Variants in SCFD2 observed in about 807,000 individuals in gnomAD.
SCFD2 encodes the protein sec1 family domain-containing protein 2.
A neutral mutation model predicts 58.9 loss-of-function variants in SCFD2; 54 were observed. The ratio of observed to expected loss-of-function variants is 0.92; its 90% CI spans 0.74 to 1.15. The LOEUF (loss-of-function observed/expected upper bound fraction) is 1.15, where lower values mean the gene tolerates loss of function less well. Ranked by LOEUF, SCFD2 falls within the 50% of genes most tolerant of loss-of-function variation. The pLI, the probability that SCFD2 is intolerant of heterozygous loss-of-function variation, is 0.00. For synonymous variants in SCFD2, 321 were observed against 335.9 expected (o/e 0.96, Z 0.49); for missense variants, 805 against 836.6 (o/e 0.96, Z 0.47).
chr4:53,127,317 C>T (rs1725656358), intron 5 of SCFD2, among the ~76,000 whole-genome samples: 1 of 152,182 alleles, frequency 6.6e-6, no homozygotes, highest in Non-Finnish European at 1.5e-5. Flanking sequence ...TGCCCTGTTG[C>T]ACAGCATCAG....
chr4:53,314,090 T>C (rs1732785208), intron 2 of SCFD2, among the ~76,000 whole-genome samples: 1 of 152,158 alleles, frequency 6.6e-6, no homozygotes, highest in African/African-American at 2.4e-5. Flanking sequence ...ATCACTAGAG[T>C]AATATAAATG....
At position 53,236,648 on chromosome 4, in the gene SCFD2, G is replaced by GT. The variant is rs949851261; in HGVS notation, c.1311+37177dup. Among the ~76,000 whole-genome samples the GT allele has an allele frequency of 6.6e-4, 98 of 148,282 alleles. No individual in the cohort carries two copies. In the East Asian group the frequency reaches 7.7e-3, roughly 12 times the overall value. On this transcript the variant is annotated intron_variant, in intron 4 of 8. Transcript: ENST00000401642. ...CAGTTATGAATAAAATGTCTGGCATGTTTTTTTTTAATCAAAATGAGTTCT... is the reference window on the plus strand; with the variant it reads ...CAGTTATGAATAAAATGTCTGGCATGTTTTTTTTTTAATCAAAATGAGTTCT...
chr4:52,992,560 G>T (rs547069423), intron 5 of SCFD2, among the ~76,000 whole-genome samples: 2 of 151,624 alleles, frequency 1.3e-5, no homozygotes, highest in African/African-American at 4.8e-5. Context: ...CTTCCCGGCC[G>T]CCATCCCCTC....
Position 52,913,653 on chromosome 4 carries a change from C to T in SCFD2, c.1708-6062G>A, listed in dbSNP as rs1336972292. On this transcript the variant is annotated intron_variant, in intron 6 of 8. Coordinates refer to ENST00000401642, the MANE Select transcript of SCFD2 (RefSeq NM_152540.4). ...CTTGAATCATCCTGAAACCACACCG[C>T]CCCACCCTGCACCGCCTGGTGCCTT... Among the ~76,000 whole-genome samples, 3 of 152,206 alleles carry T rather than the reference C, an allele frequency of 2.0e-5. No individual in the cohort carries two copies. The East Asian group carries it at 5.8e-4, about 29-fold the overall frequency.
intron 4 of SCFD2, among the ~76,000 whole-genome samples, chr4:53,201,655 T>G (rs951599400): frequency 1.3e-5 from 2 of 152,160 alleles, no homozygotes; most frequent in African/African-American, 4.8e-5. Context: ...TGTAAAAGTG[T>G]TCCTATTTCT....
intron 4 of SCFD2, among the ~76,000 whole-genome samples, chr4:53,182,174 A>G (rs1013785981): frequency 7.2e-5 from 11 of 152,174 alleles, no homozygotes; most frequent in African/African-American, 2.7e-4. Context: ...TATGGAACCA[A>G]AAAAGAGCCC....
chr4:52,895,553 G>T (rs900608440), intron 7 of SCFD2, among the ~76,000 whole-genome samples: 26 of 152,042 alleles, frequency 1.7e-4, no homozygotes, highest in Non-Finnish European at 3.1e-4. Context: ...TGCCACATTT[G>T]CTTAATCCAG....
At chr4:53,282,580 T>C (rs1465483673) in intron 3 of SCFD2, among the ~76,000 whole-genome samples, 2 of 152,110 alleles carry the variant, frequency 1.3e-5, no homozygotes, top group African/African-American at 2.4e-5. Context: ...ATCAGTGTGG[T>C]ATAATTTCAA....
intron 2 of SCFD2, among the ~76,000 whole-genome samples, chr4:53,330,244 A>G (rs1285003387): frequency 4.6e-5 from 7 of 152,082 alleles, no homozygotes; most frequent in Non-Finnish European, 7.3e-5. Context: ...AATACAGAGA[A>G]CGCCACAAAG....
At chr4:53,334,175 T>C (rs1733597897) in intron 2 of SCFD2, among the ~76,000 whole-genome samples, 1 of 150,748 alleles carries the variant, frequency 6.6e-6, no homozygotes, top group African/African-American at 2.4e-5. Flanking sequence ...AGTTCAACCA[T>C]TGTGGAAGTC....
At chr4:53,271,290 A>G (rs1325129164) in intron 4 of SCFD2, among the ~76,000 whole-genome samples, 1 of 151,148 alleles carries the variant, frequency 6.6e-6, no homozygotes, top group African/African-American at 2.4e-5. Context: ...TCTCACATAC[A>G]TACACACATA....
intron 4 of SCFD2, among the ~76,000 whole-genome samples, chr4:53,152,646 C>A (rs1161183030): frequency 6.6e-6 from 1 of 152,186 alleles, no homozygotes; most frequent in Non-Finnish European, 1.5e-5. Context: ...ATACAGTCAT[C>A]CCCTCCCAAT....
At chr4:53,058,182 T>G (rs1385421259) in intron 5 of SCFD2, among the ~76,000 whole-genome samples, 1 of 152,160 alleles carries the variant, frequency 6.6e-6, no homozygotes, top group Non-Finnish European at 1.5e-5. Flanking sequence ...AGGTGATAAT[T>G]TTATTATGTG....
At chr4:53,145,963 T>G (rs146486742) in intron 4 of SCFD2, among the ~76,000 whole-genome samples, 123 of 152,334 alleles carry the variant, frequency 8.1e-4, no homozygotes, top group African/African-American at 2.9e-3. Context: ...AGCATCTATA[T>G]ATCCAAATGA....
chr4:53,017,740 C>T (rs932413397), intron 5 of SCFD2, among the ~76,000 whole-genome samples: 4 of 152,166 alleles, frequency 2.6e-5, no homozygotes, highest in Non-Finnish European at 5.9e-5. Flanking sequence ...CTAGGCCCTA[C>T]CTGCACTGAG....
chr4:53,030,212 C>G (rs1396773399), intron 5 of SCFD2, among the ~76,000 whole-genome samples: 1 of 151,928 alleles, frequency 6.6e-6, no homozygotes, highest in Non-Finnish European at 1.5e-5. Flanking sequence ...CAAATAAGCA[C>G]ATGAAAAGAT....
chr4:52,992,039 G>A (rs150853521), intron 5 of SCFD2, among the ~76,000 whole-genome samples: 7 of 150,736 alleles, frequency 4.6e-5, no homozygotes, highest in African/African-American at 9.8e-5. Context: ...CCCTCTCCCC[G>A]CAGTCTCCCT....
chr4:53,198,027 A>G lies in SCFD2; in HGVS notation c.1312-52445T>C, dbSNP rs115759391. Among the ~76,000 whole-genome samples the G allele has an allele frequency of 2.7e-3, 413 of 152,256 alleles. 1 individual carries two copies. The highest frequency in any genetic ancestry group is 9.5e-3 in the African/African-American group (395 of 41,566). On this transcript the variant is annotated intron_variant, in intron 4 of 8. Transcript: ENST00000401642. ...GCTTGGCTTCCAATGACTTAACAAA[A>G]TTCTGGGAGTTTGCGGACAGGAAAA... is the stretch of plus-strand genomic sequence containing the variant.
rs73816050 is a variant in SCFD2 at position 53,224,666 on chromosome 4, C to G, written c.1311+49160G>C. On this transcript the variant is annotated intron_variant, in intron 4 of 8. Coordinates refer to ENST00000401642, the MANE Select transcript of SCFD2 (RefSeq NM_152540.4). The stretch of plus-strand genomic sequence containing the variant: ...AGCCAAAGAATTGCTCAGCTCAGCT[C>G]TGCCTGAATTCCTCCCCCACAAACT... 1.4e-3 allele frequency among the ~76,000 whole-genome samples: 215 copies of G among 152,328 alleles called. 5 individuals carry two copies. The South Asian group carries it at 0.022, about 16-fold the overall frequency.
Sources: allele counts gnomAD v4.1 joint callset (sites outside exome capture counted in the v4.1 genomes callset), GRCh38; gene constraint gnomAD v4.1.1; transcripts MANE v1.5; gene names NCBI Gene and HGNC (gene_info 2026-07-23, HGNC 2026-07-21).